PACRG: variants seen among roughly 807,000 people sequenced by gnomAD.
The protein encoded by PACRG is parkin coregulated gene protein.
In PACRG, 29 loss-of-function variants were observed where a neutral mutation model predicts 29.7. The ratio of observed to expected loss-of-function variants is 0.98; its 90% CI spans 0.73 to 1.33. The LOEUF (loss-of-function observed/expected upper bound fraction) is 1.33, where lower values mean the gene tolerates loss of function less well. PACRG is among the 40% of genes most tolerant of loss of function. PACRG has a pLI of 0.00. For missense variants in PACRG, 279 were observed against 316.2 expected (o/e 0.88, Z 0.89); for synonymous variants, 116 against 118.7 (o/e 0.98, Z 0.15).
chr6:162,759,436 C>T (rs1782177473), intron 1 of PACRG, among the ~76,000 whole-genome samples: 1 of 152,136 alleles, frequency 6.6e-6, no homozygotes, highest in African/African-American at 2.4e-5. Flanking sequence ...TATTCTTGGT[C>T]ATTGAGAAAA....
intron 2 of PACRG, among the ~76,000 whole-genome samples, chr6:162,880,850 A>G (rs936344889): frequency 2.0e-5 from 3 of 152,348 alleles, no homozygotes; most frequent in Admixed American, 2.0e-4. Context: ...GCAAGGCTAC[A>G]TTGCACACCA....
chr6:163,014,032 C>G (rs1398660797), intron 2 of PACRG, among the ~76,000 whole-genome samples: 1 of 152,100 alleles, frequency 6.6e-6, no homozygotes, highest in Admixed American at 6.6e-5. Flanking sequence ...CACATAGGAA[C>G]ATCTTCCTTA....
chr6:163,061,619 C>T (rs762657654), intron 2 of PACRG, among the ~76,000 whole-genome samples: 2 of 152,136 alleles, frequency 1.3e-5, no homozygotes, highest in African/African-American at 2.4e-5. Context: ...TACCTGTCAT[C>T]CAGGCTCCAG....
At chr6:162,887,799 G>A (rs953911632) in intron 2 of PACRG, among the ~76,000 whole-genome samples, 8 of 148,334 alleles carry the variant, frequency 5.4e-5, no homozygotes, top group Non-Finnish European at 1.2e-4. Flanking sequence ...CAAAGGCTGG[G>A]CAAGAGACCG....
intron 2 of PACRG, among the ~76,000 whole-genome samples, chr6:163,033,071 A>C (rs1211563583): frequency 6.6e-6 from 1 of 152,176 alleles, no homozygotes; most frequent in African/African-American, 2.4e-5. Flanking sequence ...TTAATCCTTT[A>C]ATCTAGGCCA....
chr6:163,077,599 A>G (rs536980369), intron 3 of PACRG, among the ~76,000 whole-genome samples: 12 of 152,282 alleles, frequency 7.9e-5, no homozygotes, highest in African/African-American at 2.9e-4. Flanking sequence ...GAAATGCATT[A>G]CCCTTTACTC....
chr6:163,009,990 G>T (rs2128209430), intron 2 of PACRG, among the ~76,000 whole-genome samples: 1 of 152,284 alleles, frequency 6.6e-6, no homozygotes, highest in African/African-American at 2.4e-5. Context: ...CAGATTCAAA[G>T]GAAATGAGAA....
intron 2 of PACRG, among the ~76,000 whole-genome samples, chr6:163,038,163 G>A (rs995031696): frequency 6.6e-6 from 1 of 152,128 alleles, no homozygotes; most frequent in Non-Finnish European, 1.5e-5. Context: ...CAGAGGCTGG[G>A]GCAGGATTTG....
chr6:163,310,079 T>C (rs1242684418), intron 4 of PACRG: 1 of 152,234 alleles, frequency 6.6e-6, no homozygotes, highest in Admixed American at 6.5e-5. Flanking sequence ...TGTATTGCTG[T>C]TCATACAATG....
intron 3 of PACRG, among the ~76,000 whole-genome samples, chr6:163,078,677 C>T (rs564428387): frequency 2.6e-5 from 4 of 152,204 alleles, no homozygotes; most frequent in Admixed American, 6.5e-5. Context: ...TTTAGTCACC[C>T]GGGCTAGAGC....
intron 1 of PACRG, among the ~76,000 whole-genome samples, chr6:162,776,317 T>C (rs1164406933): frequency 6.6e-6 from 1 of 152,218 alleles, no homozygotes; most frequent in Non-Finnish European, 1.5e-5. Flanking sequence ...TTATTGCTGT[T>C]GCCACATCTT....
chr6:162,764,918 G>A (rs918620978), intron 1 of PACRG, among the ~76,000 whole-genome samples: 1 of 151,514 alleles, frequency 6.6e-6, no homozygotes. Flanking sequence ...TATTTTTTTT[G>A]TATTTTTAGT....
chr6:162,932,058 C>T (rs1486136584), intron 2 of PACRG, among the ~76,000 whole-genome samples: 2 of 151,954 alleles, frequency 1.3e-5, no homozygotes, highest in Non-Finnish European at 2.9e-5. Flanking sequence ...ACGCATACTA[C>T]AGACTACTAC....
At chr6:162,922,880 A>G (rs1483666059) in intron 2 of PACRG, among the ~76,000 whole-genome samples, 1 of 152,196 alleles carries the variant, frequency 6.6e-6, no homozygotes, top group Non-Finnish European at 1.5e-5. Flanking sequence ...AGAGATGCAG[A>G]TATCTTTTCA....
chr6:163,146,206 G>T (rs910635212), intron 4 of PACRG, among the ~76,000 whole-genome samples: 4 of 152,126 alleles, frequency 2.6e-5, no homozygotes, highest in African/African-American at 4.8e-5. Flanking sequence ...GATGCCGTCG[G>T]TAGCCTTGTG....
chr6:162,729,856 T>G (rs1330178651), intron 1 of PACRG, among the ~76,000 whole-genome samples: 1 of 152,140 alleles, frequency 6.6e-6, no homozygotes, highest in Admixed American at 6.5e-5. Flanking sequence ...CCAAATGTAA[T>G]AAGTATGCCT....
chr6:163,025,950 C>T (rs1052768996), intron 2 of PACRG, among the ~76,000 whole-genome samples: 3 of 152,174 alleles, frequency 2.0e-5, no homozygotes, highest in Non-Finnish European at 2.9e-5. Flanking sequence ...TAAAATAAAG[C>T]TATTCTATAA....
chr6:162,945,724 T>A (rs1798953436), intron 2 of PACRG, among the ~76,000 whole-genome samples: 1 of 152,118 alleles, frequency 6.6e-6, no homozygotes, highest in Non-Finnish European at 1.5e-5. Context: ...TGGAACATTC[T>A]CCAGGATAGT....
At position 163,269,994 on chromosome 6, in the gene PACRG, AGAAAGAAAGAAAGGAG is replaced by A. The variant is rs1242909708; in HGVS notation, c.614-44831_614-44816del. 5.4e-4 allele frequency among the ~76,000 whole-genome samples: 61 copies of A among 113,310 alleles called. 5 individuals carry two copies. The highest frequency in any genetic ancestry group is 3.9e-3 in the South Asian group (12 of 3,106). The allele number at this position is 113,310 out of a possible 152,430, so 74.3% of individuals were successfully genotyped here. A position where few individuals can be genotyped will look rare whatever the true frequency, so the allele number is the denominator to read the frequency against. On this transcript the variant is annotated intron_variant, in intron 4 of 4. Coordinates refer to ENST00000366888, the MANE Select transcript of PACRG (RefSeq NM_001080379.2). ...AAGAAAGAAAGAAAGAAAGAAAGAA[AGAAAGAAAGAAAGGAG>A]GGAGGGAGGGAGGGAGGAAGGAAGG...
Sources: allele counts gnomAD v4.1 joint callset (sites outside exome capture counted in the v4.1 genomes callset), GRCh38; gene constraint gnomAD v4.1.1; transcripts MANE v1.5; gene names NCBI Gene and HGNC (gene_info 2026-07-23, HGNC 2026-07-21).